Variants in ACYP2 observed in about 807,000 individuals in gnomAD.
ACYP2 encodes acylphosphatase 2.
Under a neutral mutation model 11.2 loss-of-function variants are expected in ACYP2, and 12 were observed. That is an observed-to-expected ratio of 1.08 (90% CI 0.69 to 1.74). The LOEUF (loss-of-function observed/expected upper bound fraction) is 1.74, where lower values mean the gene tolerates loss of function less well. ACYP2 is among the 40% of genes most tolerant of loss of function. ACYP2 has a pLI of 0.00. For missense variants in ACYP2, 134 were observed against 101.9 expected, an observed-to-expected ratio of 1.31 and a Z score of -1.35; for synonymous variants, 43 against 32.2, an observed-to-expected ratio of 1.33 and a Z score of -1.13.
At chr2:54,150,262 C>A (rs188700625) in intron 6 of ACYP2, among the ~76,000 whole-genome samples, 129 of 152,310 alleles carry the variant, frequency 8.5e-4, no homozygotes, top group African/African-American at 2.8e-3. Context: ...AAAGCCTGAA[C>A]TATTTACCAT....
At chr2:54,244,514 C>T (rs1686867587) in intron 6 of ACYP2, among the ~76,000 whole-genome samples, 1 of 152,144 alleles carries the variant, frequency 6.6e-6, no homozygotes, top group Non-Finnish European at 1.5e-5. Context: ...GTGGCATGAG[C>T]CACTGTGCCT....
intron 2 of ACYP2, among the ~76,000 whole-genome samples, chr2:53,977,233 G>A (rs982116357): frequency 5.3e-5 from 8 of 151,970 alleles, no homozygotes; most frequent in South Asian, 4.1e-4. Flanking sequence ...ATTTTTAGTA[G>A]AGACGGGGTT....
intron 2 of ACYP2, among the ~76,000 whole-genome samples, chr2:54,006,500 T>A (rs1427104289): frequency 1.3e-5 from 2 of 152,116 alleles, no homozygotes; most frequent in African/African-American, 4.8e-5. Context: ...GCCCAGAACT[T>A]CTGGGCTTGA....
chr2:54,192,755 T>G (rs1458392498), intron 6 of ACYP2, among the ~76,000 whole-genome samples: 3 of 152,150 alleles, frequency 2.0e-5, no homozygotes, highest in Non-Finnish European at 1.5e-5. Context: ...CTCACGGTTC[T>G]GCATGGCTAG....
intron 3 of ACYP2, among the ~76,000 whole-genome samples, chr2:54,054,929 T>C (rs1182253533): frequency 6.6e-6 from 1 of 152,232 alleles, no homozygotes; most frequent in East Asian, 1.9e-4. Flanking sequence ...TCAGTAGTAG[T>C]GTGCAGACTA....
At chr2:54,237,904 C>G (rs1174581892) in intron 6 of ACYP2, among the ~76,000 whole-genome samples, 1 of 152,018 alleles carries the variant, frequency 6.6e-6, no homozygotes, top group Admixed American at 6.6e-5. Flanking sequence ...ATGAATGGGC[C>G]CCGGCAACCT....
At chr2:53,973,906 T>TAA (rs1671325554) in intron 2 of ACYP2, 1 of 112,380 alleles carries the variant, frequency 8.9e-6, no homozygotes, top group African/African-American at 3.7e-5. Context: ...TGTGTGTATA[T>TAA]ATTTTTTTTT....
At chr2:54,083,900 C>G (rs564808937) in intron 4 of ACYP2, among the ~76,000 whole-genome samples, 1 of 152,168 alleles carries the variant, frequency 6.6e-6, no homozygotes, top group Non-Finnish European at 1.5e-5. Context: ...TGAGCGCTCT[C>G]TTTAGAAAGA....
intron 6 of ACYP2, among the ~76,000 whole-genome samples, 195 bp downstream of exon 3, chr2:54,138,943 C>T (rs1354963378): frequency 6.6e-6 from 1 of 152,198 alleles, no homozygotes; most frequent in Non-Finnish European, 1.5e-5. Context: ...GTGTGAGCCA[C>T]CGTGCCTGGC....
intron 4 of ACYP2, chr2:54,084,966 T>G (rs1558517484): frequency 1.3e-5 from 2 of 152,206 alleles, no homozygotes; most frequent in South Asian, 2.1e-4. Context: ...ATAATGTAGG[T>G]GAATGTTCTT....
chr2:54,017,612 C>A (rs1487775663), intron 2 of ACYP2, among the ~76,000 whole-genome samples: 1 of 152,122 alleles, frequency 6.6e-6, no homozygotes, highest in Non-Finnish European at 1.5e-5. Flanking sequence ...ATAGAAATTT[C>A]TTTAAAATAT....
chr2:54,226,320 T>C (rs1686009213), intron 6 of ACYP2, among the ~76,000 whole-genome samples: 1 of 152,226 alleles, frequency 6.6e-6, no homozygotes, highest in Non-Finnish European at 1.5e-5. Context: ...ATTGAGCGTC[T>C]GGAATTTTTA....
intron 1 of ACYP2, among the ~76,000 whole-genome samples, chr2:53,971,741 A>AT (rs1671134844): frequency 1.3e-5 from 2 of 152,208 alleles, no homozygotes; most frequent in Admixed American, 6.5e-5. Context: ...AGAGGGTGTC[A>AT]TTTTCCTAGA....
At chr2:54,095,215 A>G (rs1157236453) in intron 4 of ACYP2, among the ~76,000 whole-genome samples, 2 of 152,212 alleles carry the variant, frequency 1.3e-5, no homozygotes, top group Non-Finnish European at 2.9e-5. Context: ...AAGGTCACAG[A>G]TCAACAGGAT....
chr2:54,174,180 C>A (rs1052431068), intron 6 of ACYP2, among the ~76,000 whole-genome samples: 2 of 152,108 alleles, frequency 1.3e-5, no homozygotes, highest in Admixed American at 6.6e-5. Flanking sequence ...AATGTTCTTC[C>A]ATTTGTTTGT....
intron 6 of ACYP2, among the ~76,000 whole-genome samples, chr2:54,250,435 T>C (rs539039865): frequency 1.3e-3 from 198 of 147,642 alleles, no homozygotes; most frequent in African/African-American, 4.6e-3. Context: ...GATTGTGCCA[T>C]TGCACTCCAG....
chr2:54,294,728 T>C (rs1227863830), intron 6 of ACYP2, among the ~76,000 whole-genome samples: 2 of 151,484 alleles, frequency 1.3e-5, no homozygotes, highest in Non-Finnish European at 2.9e-5. Flanking sequence ...CTGAGCAACA[T>C]AGTGAGACCC....
chr2:54,089,810 T>C (rs111773770), intron 4 of ACYP2, among the ~76,000 whole-genome samples: 1 of 152,066 alleles, frequency 6.6e-6, no homozygotes, highest in African/African-American at 2.4e-5. Flanking sequence ...CACTTAATAA[T>C]TCAGCATTTT....
At chr2:54,016,310 C>A (rs1673680373) in intron 2 of ACYP2, among the ~76,000 whole-genome samples, 1 of 151,952 alleles carries the variant, frequency 6.6e-6, no homozygotes, top group African/African-American at 2.4e-5. Context: ...ATGCCTAACA[C>A]AATACAGTGC....
Sources: allele counts gnomAD v4.1 joint callset (sites outside exome capture counted in the v4.1 genomes callset), GRCh38; gene constraint gnomAD v4.1.1; transcripts MANE v1.5; gene names NCBI Gene and HGNC (gene_info 2026-07-23, HGNC 2026-07-21).